The following ZNF18 variants were observed in gnomAD, a reference collection of about 807,000 sequenced individuals.
The protein encoded by ZNF18 is zinc finger protein 18, also known as heart development-specific gene 1 protein.
In ZNF18, 42 loss-of-function variants were observed where a neutral mutation model predicts 58.1. The observed-to-expected ratio is 0.72, with a 90% confidence interval of 0.56 to 0.93. ZNF18 has a LOEUF of 0.93. Ranked by LOEUF, ZNF18 falls within the 40% of genes least tolerant of loss-of-function variation. The pLI is 0.00. For missense variants in ZNF18, 540 were observed against 644.2 expected (o/e 0.84, Z 1.75); for synonymous variants, 231 against 239.8 (o/e 0.96, Z 0.34).
chr17:11,992,580 G>C lies in ZNF18; in HGVS notation c.250C>G (p.Leu84Val). ...ATGGTCAGAAACTGCTCCAACATGA[G>C]GATCTCTAGGATCTGCTCTTTGGTG... ...VHTKEQILEI[L>V]MLEQFLTILP... Residue 84 changes from leucine to valine, a missense_variant, in exon 2 of 7, where the codon CTC (leucine) becomes GTC (valine). Physicochemically the swap from Leu to Val is conservative, Grantham distance 32. Coordinates refer to ENST00000580306, the MANE Select transcript of ZNF18 (RefSeq NM_001303281.2). The C allele has an allele frequency of 6.2e-7, 1 of 1,614,192 alleles. No individual in the cohort carries two copies.
At chr17:11,995,042 A>C (rs1968373167) in intron 1 of ZNF18, among the ~76,000 whole-genome samples, 1 of 152,126 alleles carries the variant, frequency 6.6e-6, no homozygotes, top group South Asian at 2.1e-4. Flanking sequence ...CCTTGTATAA[A>C]TGGACCCTTG....
At chr17:11,998,822 C>CT (rs71142260), upstream of ZNF18, among the ~76,000 whole-genome samples, 1,146 of 108,526 alleles carry the variant, frequency 0.011, 13 homozygotes, top group East Asian at 0.022. Flanking sequence ...AGTTTCTAGT[C>CT]TTTTTTTTTT....
the ZNF18 span, among the ~76,000 whole-genome samples, chr17:12,013,972 G>A: frequency 2.0e-5 from 3 of 152,166 alleles, no homozygotes; most frequent in East Asian, 1.9e-4. Flanking sequence ...AGATGGTCAC[G>A]AGAGTTCATG....
chr17:11,991,564 A>T (rs1239897678), intron 2 of ZNF18, among the ~76,000 whole-genome samples: 1 of 152,172 alleles, frequency 6.6e-6, no homozygotes, highest in African/African-American at 2.4e-5. Flanking sequence ...GGTATGGGGG[A>T]ACCCAGCTGT....
At chr17:12,012,141 T>C in the ZNF18 span, among the ~76,000 whole-genome samples, 1 of 152,218 alleles carries the variant, frequency 6.6e-6, no homozygotes, top group African/African-American at 2.4e-5. Context: ...GACACCAAAA[T>C]TTTCATTATT....
rs114971378 is a variant in ZNF18, at chr17:11,992,026, C to A, written c.387+417G>T. On this transcript the variant is annotated intron_variant, in intron 2 of 6. Transcript: ENST00000580306. ...TCTTTCCCCCACACCTTGCTCTATGCAGCTCTTCTCTCTGGCTGTTAATGA... is the reference window on the plus strand; with the variant it reads ...TCTTTCCCCCACACCTTGCTCTATGAAGCTCTTCTCTCTGGCTGTTAATGA... Among the ~76,000 whole-genome samples the A allele has an allele frequency of 4.5e-3, 690 of 152,300 alleles. 8 individuals carry two copies. Among genetic ancestry groups the A allele is most frequent in the African/African-American group, 0.016 (662 of 41,556 alleles).
the ZNF18 span, among the ~76,000 whole-genome samples, chr17:12,014,693 T>C: frequency 6.6e-6 from 1 of 152,164 alleles, no homozygotes; most frequent in African/African-American, 2.4e-5. Flanking sequence ...AAGTTTCCTT[T>C]CGGGATGATA....
At chr17:12,006,957 T>A in the ZNF18 span, among the ~76,000 whole-genome samples, 1 of 152,194 alleles carries the variant, frequency 6.6e-6, no homozygotes, top group Non-Finnish European at 1.5e-5. Flanking sequence ...AAAGGAATTC[T>A]GTGACTGTGG....
the ZNF18 span, chr17:12,011,037 CTTCCAGTTTAGCCATG>C: frequency 4.7e-5 from 35 of 750,888 alleles, no homozygotes; most frequent in African/African-American, 4.9e-4. Flanking sequence ...ATTGTAGACT[CTTCCAGTTTAGCCATG>C]GTGACACCTG....
chr17:12,006,294 T>C, the ZNF18 span, among the ~76,000 whole-genome samples: 2 of 152,120 alleles, frequency 1.3e-5, no homozygotes, highest in South Asian at 4.1e-4. Flanking sequence ...CAGAACTAGG[T>C]TTCTGGGCTG....
the ZNF18 span, among the ~76,000 whole-genome samples, chr17:12,015,206 C>T: frequency 6.6e-6 from 1 of 152,276 alleles, no homozygotes; most frequent in East Asian, 1.9e-4. Flanking sequence ...CAAAACCAAA[C>T]CCACAATGCC....
intron 6 of ZNF18, among the ~76,000 whole-genome samples, chr17:11,981,274 G>A (rs1330924185): frequency 6.7e-6 from 1 of 150,284 alleles, no homozygotes; most frequent in Non-Finnish European, 1.5e-5. Context: ...TGTCCTACAC[G>A]TTGCTGCCGG....
the ZNF18 span, among the ~76,000 whole-genome samples, chr17:12,011,695 A>ATTTTTTT: frequency 3.4e-5 from 3 of 87,590 alleles, no homozygotes; most frequent in East Asian, 3.5e-4. Context: ...AATGTTCTTA[A>ATTTTTTT]TTTTTTTTTT....
intron 2 of ZNF18, among the ~76,000 whole-genome samples, chr17:11,991,581 A>C (rs1352217320): frequency 4.6e-5 from 7 of 152,232 alleles, no homozygotes; most frequent in Non-Finnish European, 1.0e-4. Context: ...CTGTGGTATA[A>C]TAAGAAATAC....
Position 11,991,151 on chromosome 17 carries a change from C to T in ZNF18, c.400G>A (p.Val134Ile). 6.2e-7 allele frequency: 1 copy of T among 1,613,980 alleles called. No homozygotes were observed. The highest frequency in any genetic ancestry group is 8.5e-7 in the Non-Finnish European group (1 of 1,179,910). Residue 134 changes from valine to isoleucine, a missense_variant, in exon 3 of 7, where the codon GTT (valine) becomes ATT (isoleucine). By Grantham distance (29) the Val-to-Ile change is conservative. Coordinates refer to ENST00000580306, the MANE Select transcript of ZNF18 (RefSeq NM_001303281.2). ...QRLWQWISIQ[V>I]LGQDILSEKM... Reference sequence around the variant, plus strand: ...TCTGATAAGATGTCCTGTCCTAGAACCTGGATACTGATCTAGAGACCATAT... The same window carrying T: ...TCTGATAAGATGTCCTGTCCTAGAATCTGGATACTGATCTAGAGACCATAT...
chr17:12,001,343 C>A (rs1185626974), upstream of ZNF18, among the ~76,000 whole-genome samples: 1 of 152,032 alleles, frequency 6.6e-6, no homozygotes, highest in Non-Finnish European at 1.5e-5. Context: ...ATAATGCATA[C>A]CTCGGGCCGG....
At chr17:12,014,984 C>G in the ZNF18 span, among the ~76,000 whole-genome samples, 1 of 151,910 alleles carries the variant, frequency 6.6e-6, no homozygotes, top group African/African-American at 2.4e-5. Flanking sequence ...GAAGGCAGAG[C>G]TTGCAGTGAG....
rs1967507698 is a variant in ZNF18 at position 11,983,387 on chromosome 17, A to G, written c.772T>C (p.Ser258Pro). 6.2e-7 allele frequency: 1 copy of G among 1,613,822 alleles called. No homozygotes were observed. ...AATTCTATTGAATTAGTCAGGTCAG[A>G]TTTGGGATGGGAAATGCCTGCTATA... ...VSGAGISHPKSDLTNSIEFGE... is the reference protein window; with the variant it reads ...VSGAGISHPKPDLTNSIEFGE... Residue 258 changes from serine to proline, a missense_variant, in exon 6 of 7, where the codon TCT becomes CCT. Coordinates refer to ENST00000580306, the MANE Select transcript of ZNF18 (RefSeq NM_001303281.2).
At chr17:12,020,853 C>G in the ZNF18 span, 4 of 993,810 alleles carry the variant, frequency 4.0e-6, no homozygotes, top group Non-Finnish European at 5.2e-6. Context: ...GCATTGCAGC[C>G]GCCGCGGCGC....
Sources: gnomAD v4.1 joint callset for allele counts (sites outside exome capture counted in the v4.1 genomes callset) on GRCh38, gnomAD v4.1.1 for gene constraint, MANE v1.5 for transcripts, NCBI Gene and HGNC (gene_info 2026-07-23, HGNC 2026-07-21) for gene names.